Variants in ZWILCH observed in about 807,000 individuals in gnomAD.
The protein encoded by ZWILCH is zwilch kinetochore protein.
In ZWILCH, 74 loss-of-function variants were observed where a neutral mutation model predicts 79.9. The observed-to-expected ratio is 0.93, with a 90% CI of 0.77 to 1.12. The LOEUF (loss-of-function observed/expected upper bound fraction) is 1.12, where lower values mean the gene tolerates loss of function less well. Ranked by LOEUF, ZWILCH falls within the 50% of genes most tolerant of loss-of-function variation. The probability of loss-of-function intolerance (pLI) is 0.00; values close to 1 mark genes in which losing one functional copy is unlikely to be tolerated. For missense variants in ZWILCH, 694 were observed against 687.5 expected, an observed-to-expected ratio of 1.01 and a Z score of -0.11; for synonymous variants, 241 against 228.2, an observed-to-expected ratio of 1.06 and a Z score of -0.51.
chr15:66,516,567 G>A (rs1894269188), intron 4 of ZWILCH, among the ~76,000 whole-genome samples: 1 of 150,734 alleles, frequency 6.6e-6, no homozygotes, highest in African/African-American at 2.4e-5. Flanking sequence ...GTGCAATGGT[G>A]CGATCTCAGT....
At chr15:66,536,111 C>T in intron 15 of ZWILCH, 42 bp downstream of exon 15, 1 of 1,523,692 alleles carries the variant, frequency 6.6e-7, no homozygotes, top group Non-Finnish European at 8.9e-7. Context: ...AAATGTATTT[C>T]TTTTGAAATA....
intron 5 of ZWILCH, 61 bp downstream of exon 5, chr15:66,519,139 A>G (rs1262673320): frequency 2.6e-6 from 4 of 1,542,262 alleles, no homozygotes; most frequent in Non-Finnish European, 3.6e-6. Context: ...TTATTGTTTC[A>G]TGTTTTTTTA....
Position 66,519,232 on chromosome 15 carries a change from C to T in ZWILCH, c.520+154C>T. The T allele has an allele frequency of 4.3e-6, 3 of 690,534 alleles. No homozygotes were observed. In the South Asian group the frequency reaches 5.7e-5, roughly 13 times the overall value. The allele number at this position is 690,534 out of a possible 1,614,324, so 42.8% of individuals were successfully genotyped here. A position where few individuals can be genotyped will look rare whatever the true frequency, so the allele number is the denominator to read the frequency against. The stretch of plus-strand genomic sequence containing the variant: ...TAAATCTACTCTGGTGTGTAACTTG[C>T]AGCATGTGGGAGGTATTCCAGAAAC... On this transcript the variant is annotated intron_variant, in intron 5 of 18. Coordinates refer to ENST00000307897, the MANE Select transcript of ZWILCH (RefSeq NM_017975.5).
chr15:66,532,670 TA>T (rs1001506497), intron 13 of ZWILCH, among the ~76,000 whole-genome samples: 11 of 152,092 alleles, frequency 7.2e-5, no homozygotes, highest in Non-Finnish European at 1.3e-4. Context: ...GTATTTTAAA[TA>T]AAAAAATCCT....
intron 17 of ZWILCH, among the ~76,000 whole-genome samples, chr15:66,540,953 G>A (rs892000288): frequency 5.3e-5 from 8 of 151,278 alleles, no homozygotes; most frequent in Non-Finnish European, 1.2e-4. Context: ...TAATTTTCCC[G>A]AACTCTAAGT....
chr15:66,509,846 T>C lies in ZWILCH; in HGVS notation c.105+954T>C, dbSNP rs1286978031. 1.9e-4 allele frequency among the ~76,000 whole-genome samples: 18 copies of C among 95,128 alleles called. 1 individual carries two copies. Among genetic ancestry groups the C allele is most frequent in the African/African-American group, 2.5e-4 (7 of 27,460 alleles). 62.4% of individuals were successfully genotyped at this position (95,128 alleles called of 152,430 possible). A position where few individuals can be genotyped will look rare whatever the true frequency, so the allele number is the denominator to read the frequency against. On this transcript the variant is annotated intron_variant, in intron 2 of 18. Coordinates refer to ENST00000307897, the MANE Select transcript of ZWILCH (RefSeq NM_017975.5). ...ACATATATATATATATATATATATA[T>C]ATATATATATATATATATATATATC...
intron 5 of ZWILCH, among the ~76,000 whole-genome samples, chr15:66,519,628 G>C (rs540040685): frequency 1.3e-5 from 2 of 151,768 alleles, no homozygotes; most frequent in Non-Finnish European, 2.9e-5. Flanking sequence ...TAATTTTTTT[G>C]TATTTTTAAT....
chr15:66,508,955 T>A, intron 2 of ZWILCH, 63 bp downstream of exon 2: 1 of 1,563,296 alleles, frequency 6.4e-7, no homozygotes, highest in South Asian at 1.1e-5. Flanking sequence ...TTATTTTTAT[T>A]TTGAGACGGA....
intron 8 of ZWILCH, among the ~76,000 whole-genome samples, chr15:66,525,997 C>G (rs921042559): frequency 6.6e-6 from 1 of 152,024 alleles, no homozygotes; most frequent in Non-Finnish European, 1.5e-5. Flanking sequence ...CTCCTGACCT[C>G]AAGTGATCCA....
At chr15:66,514,154 A>C in intron 3 of ZWILCH, 71 bp downstream of exon 3, 1 of 1,040,844 alleles carries the variant, frequency 9.6e-7, no homozygotes, top group Non-Finnish European at 1.4e-6. Context: ...GAATAATCTA[A>C]CGTACACGTT....
intron 5 of ZWILCH, 59 bp from the exon 6 acceptor site, chr15:66,520,531 A>T: frequency 1.2e-6 from 1 of 852,150 alleles, no homozygotes; most frequent in Non-Finnish European, 1.9e-6. Flanking sequence ...ACAGTTTTGT[A>T]GCTCTGACAA....
chr15:66,532,034 T>G lies in ZWILCH; in HGVS notation c.1156-213T>G, dbSNP rs138950465. On this transcript the variant is annotated intron_variant, in intron 12 of 18. Transcript: ENST00000307897. Reference sequence around the variant, plus strand: ...GTGAGCCGAGATCGTGCCACTGCACTCCAGCCTGGGTGACAGAGCAAGACT... The same window carrying G: ...GTGAGCCGAGATCGTGCCACTGCACGCCAGCCTGGGTGACAGAGCAAGACT... Among the ~76,000 whole-genome samples, 893 of 152,238 alleles carry G rather than the reference T, an allele frequency of 5.9e-3. 6 individuals carry two copies. Among genetic ancestry groups the G allele is most frequent in the Middle Eastern group, 0.027 (8 of 294 alleles).
At chr15:66,510,852 G>C (rs968674776) in intron 2 of ZWILCH, among the ~76,000 whole-genome samples, 1 of 152,102 alleles carries the variant, frequency 6.6e-6, no homozygotes, top group Admixed American at 6.5e-5. Flanking sequence ...TTCCCCCTGC[G>C]TGTCTATGCC....
Position 66,533,022 on chromosome 15 carries a change from A to AT in ZWILCH, c.1341+16dup. On this transcript the variant is annotated intron_variant, in intron 14 of 18. Transcript: ENST00000307897. ...CATCTTTGAATCATTTGGTGAGTTTATTTTTTTATTCTAAAATTGGTTTTT... is the reference window on the plus strand; with the variant it reads ...CATCTTTGAATCATTTGGTGAGTTTATTTTTTTTATTCTAAAATTGGTTTTT... 2.5e-6 allele frequency: 4 copies of AT among 1,571,014 alleles called. No individual in the cohort carries two copies. The highest frequency in any genetic ancestry group is 2.3e-5 in the East Asian group (1 of 43,886).
intron 2 of ZWILCH, among the ~76,000 whole-genome samples, chr15:66,511,827 C>T (rs1014035263): frequency 5.3e-5 from 8 of 152,048 alleles, no homozygotes; most frequent in African/African-American, 1.9e-4. Flanking sequence ...CTTAGCCAGG[C>T]TGGTCTCAAA....
intron 2 of ZWILCH, among the ~76,000 whole-genome samples, 173 bp downstream of exon 2, chr15:66,509,065 G>T (rs111338259): frequency 6.6e-6 from 1 of 151,932 alleles, no homozygotes; most frequent in Non-Finnish European, 1.5e-5. Flanking sequence ...TCAGCCTCCC[G>T]AGTAGCTGGA....
rs577942977 is a variant in ZWILCH, at chr15:66,516,100, G to A, written c.320+456G>A. Among the ~76,000 whole-genome samples the A allele has an allele frequency of 2.6e-5, 4 of 152,324 alleles. No homozygotes were observed. In the East Asian group the frequency reaches 7.7e-4, roughly 29 times the overall value. On this transcript the variant is annotated intron_variant, in intron 4 of 18. Coordinates refer to ENST00000307897, the MANE Select transcript of ZWILCH (RefSeq NM_017975.5). ...GGTGGTACCATACCCAGAGGGAATTGGAAATATAGGGGAGTATTTTGGTTT... is the reference window on the plus strand; with the variant it reads ...GGTGGTACCATACCCAGAGGGAATTAGAAATATAGGGGAGTATTTTGGTTT...
chr15:66,545,675 T>C (rs1333733614), intron 17 of ZWILCH, among the ~76,000 whole-genome samples: 1 of 152,256 alleles, frequency 6.6e-6, no homozygotes, highest in Non-Finnish European at 1.5e-5. Flanking sequence ...GTAGCCATCA[T>C]ATATTCTTGA....
At chr15:66,510,414 A>G (rs1894015443) in intron 2 of ZWILCH, among the ~76,000 whole-genome samples, 1 of 151,522 alleles carries the variant, frequency 6.6e-6, no homozygotes, top group Non-Finnish European at 1.5e-5. Context: ...AATGAGAAAG[A>G]CAAAAAAGTA....
Sources: allele counts gnomAD v4.1 joint callset (sites outside exome capture counted in the v4.1 genomes callset), GRCh38; gene constraint gnomAD v4.1.1; transcripts MANE v1.5; gene names NCBI Gene and HGNC (gene_info 2026-07-23, HGNC 2026-07-21).